Variants in DAB1 observed in about 807,000 individuals in gnomAD.
DAB1 encodes DAB adaptor protein 1, also known as disabled homolog 1.
A neutral mutation model predicts 64.6 loss-of-function variants in DAB1; 15 were observed. That is an observed-to-expected ratio of 0.23 (90% CI 0.16 to 0.36). The LOEUF is 0.36. DAB1 is among the 10% of genes least tolerant of loss of function. The pLI is 1.00. For synonymous variants in DAB1, 235 were observed against 251.9 expected, an observed-to-expected ratio of 0.93 and a Z score of 0.64; for missense variants, 596 against 706.7, an observed-to-expected ratio of 0.84 and a Z score of 1.78.
At chr1:57,960,313 C>A (rs1645487816) in intron 5 of DAB1, among the ~76,000 whole-genome samples, 1 of 152,130 alleles carries the variant, frequency 6.6e-6, no homozygotes, top group Non-Finnish European at 1.5e-5. Flanking sequence ...CCCAAAATTT[C>A]TCTCCTGTAA....
In DAB1 at chr1:58,536,852, T is replaced by C. The variant is rs539672283; in HGVS notation, n.33-9517A>G. 51 of 661,730 alleles carry C rather than the reference T, an allele frequency of 7.7e-5. 1 individual carries two copies. The South Asian group carries it at 8.3e-4, about 11-fold the overall frequency. The allele number at this position is 661,730 out of a possible 1,614,324, so 41.0% of individuals were successfully genotyped here. Reference sequence around the variant, plus strand: ...TCCTCAAATACCTGAATTTGTATGATGTATTTCGCTGAATACATCGCTTTT... The same window carrying C: ...TCCTCAAATACCTGAATTTGTATGACGTATTTCGCTGAATACATCGCTTTT... On this transcript the variant is annotated intron_variant and non_coding_transcript_variant, in intron 1 of 20. Coordinates refer to the DAB1 transcript ENST00000485760.
chr1:57,822,601 G>A (rs116625372), downstream of DAB1, among the ~76,000 whole-genome samples: 24 of 152,272 alleles, frequency 1.6e-4, 1 homozygote, highest in African/African-American at 5.5e-4. Context: ...CTCATAAGGT[G>A]ATTGCATGAA....
At chr1:57,576,066 G>C (rs1645246283) in intron 7 of DAB1, among the ~76,000 whole-genome samples, 1 of 152,160 alleles carries the variant, frequency 6.6e-6, no homozygotes, top group African/African-American at 2.4e-5. Context: ...TTGACCCTAT[G>C]ATTGTTAAAC....
chr1:57,713,356 T>C (rs1438403455), intron 6 of DAB1, among the ~76,000 whole-genome samples: 2 of 152,176 alleles, frequency 1.3e-5, no homozygotes, highest in African/African-American at 4.8e-5. Context: ...TTATAATAAA[T>C]TTTGATAGGT....
intron 2 of DAB1, among the ~76,000 whole-genome samples, chr1:57,271,876 G>A (rs754980102): frequency 1.3e-5 from 2 of 152,140 alleles, no homozygotes; most frequent in Non-Finnish European, 2.9e-5. Flanking sequence ...GACTATAGGT[G>A]GCCACCATCA....
chr1:57,603,124 C>A (rs1162038348), intron 7 of DAB1, among the ~76,000 whole-genome samples: 1 of 152,142 alleles, frequency 6.6e-6, no homozygotes, highest in Non-Finnish European at 1.5e-5. Flanking sequence ...AGGCATGCAC[C>A]ACCACGCCTG....
chr1:57,511,023 C>T (rs1390766258), intron 7 of DAB1, among the ~76,000 whole-genome samples: 4 of 152,124 alleles, frequency 2.6e-5, no homozygotes, highest in African/African-American at 9.7e-5. Context: ...TCTATTAGAC[C>T]ACCTCCATTG....
At chr1:58,067,583 C>T (rs1428696520) in intron 5 of DAB1, among the ~76,000 whole-genome samples, 14 of 152,142 alleles carry the variant, frequency 9.2e-5, no homozygotes, top group African/African-American at 3.4e-4. Flanking sequence ...GTAAGGGAGA[C>T]AGAGTCTATG....
rs113930450 is a variant in DAB1 at position 57,771,064 on chromosome 1, G to A, written n.551+112935C>T. On this transcript the variant is annotated intron_variant and non_coding_transcript_variant, in intron 6 of 20. Transcript: ENST00000485760. The stretch of plus-strand genomic sequence containing the variant: ...GGCGAAGTAAGTCGAAGCACAAGAC[G>A]TAAGCTCCACGAGGGCAGAGATATT... Among the ~76,000 whole-genome samples, 497 of 152,282 alleles carry A rather than the reference G, an allele frequency of 3.3e-3. 7 individuals are homozygous for A. Among genetic ancestry groups the A allele is most frequent in the African/African-American group, 0.011 (475 of 41,550 alleles).
At chr1:58,416,425 A>G (rs141505302) in intron 3 of DAB1, among the ~76,000 whole-genome samples, 1 of 152,286 alleles carries the variant, frequency 6.6e-6, no homozygotes, top group African/African-American at 2.4e-5. Flanking sequence ...CTTCTCTTAT[A>G]GTTGGAAGGC....
chr1:57,875,589 G>C (rs186127932), intron 1 of DAB1, among the ~76,000 whole-genome samples: 90 of 152,290 alleles, frequency 5.9e-4, no homozygotes, highest in African/African-American at 2.0e-3. Flanking sequence ...TAGCTCATTA[G>C]ACTTTAGATT....
chr1:57,226,695 A>C (rs923882150), intron 2 of DAB1, among the ~76,000 whole-genome samples: 1 of 147,634 alleles, frequency 6.8e-6, no homozygotes, highest in African/African-American at 2.5e-5. Flanking sequence ...ATATATATAT[A>C]TATCAGTGTT....
intron 1 of DAB1, among the ~76,000 whole-genome samples, chr1:57,361,931 T>C (rs1679585359): frequency 6.6e-6 from 1 of 152,174 alleles, no homozygotes; most frequent in African/African-American, 2.4e-5. Flanking sequence ...ATTATAAATA[T>C]ATGTATAAGA....
intron 5 of DAB1, among the ~76,000 whole-genome samples, chr1:57,906,515 C>T (rs552444874): frequency 1.1e-4 from 16 of 152,214 alleles, no homozygotes; most frequent in South Asian, 4.1e-4. Flanking sequence ...ACAATCAGGC[C>T]GCCCAGCTGT....
chr1:58,406,719 C>A (rs749163069), intron 3 of DAB1, among the ~76,000 whole-genome samples: 1 of 28,116 alleles, frequency 3.6e-5, no homozygotes, highest in Admixed American at 2.3e-4. Flanking sequence ...TCCCCCCCCC[C>A]CAACTGCCAC....
chr1:58,251,495 T>G (rs1332007117), intron 4 of DAB1, among the ~76,000 whole-genome samples: 1 of 152,186 alleles, frequency 6.6e-6, no homozygotes, highest in African/African-American at 2.4e-5. Flanking sequence ...GAAAGAGGCC[T>G]CCAAGCACAT....
intron 3 of DAB1, among the ~76,000 whole-genome samples, chr1:58,349,466 T>C (rs915473777): frequency 7.9e-5 from 12 of 152,016 alleles, no homozygotes; most frequent in African/African-American, 2.7e-4. Flanking sequence ...TCATTATTAC[T>C]ATTATTATGA....
chr1:57,505,606 T>A (rs1644334696), intron 7 of DAB1, among the ~76,000 whole-genome samples: 1 of 152,198 alleles, frequency 6.6e-6, no homozygotes, highest in African/African-American at 2.4e-5. Flanking sequence ...ATTCTTGTAC[T>A]TCTAGAATTC....
intron 6 of DAB1, among the ~76,000 whole-genome samples, chr1:57,783,106 C>CTTTTTT (rs58761251): frequency 4.0e-5 from 4 of 99,874 alleles, no homozygotes; most frequent in Admixed American, 1.3e-4. Flanking sequence ...TCTCTCTTTT[C>CTTTTTT]TTTTTTTTTT....
Sources: gnomAD v4.1 joint callset for allele counts (sites outside exome capture counted in the v4.1 genomes callset) on GRCh38, gnomAD v4.1.1 for gene constraint, MANE v1.5 for transcripts, NCBI Gene and HGNC (gene_info 2026-07-23, HGNC 2026-07-21) for gene names.